The following USP13 variants were observed in gnomAD, a reference collection of about 807,000 sequenced individuals.
USP13 encodes ubiquitin specific peptidase 13, also known as ubiquitin carboxyl-terminal hydrolase 13.
Under a neutral mutation model 107.8 loss-of-function variants are expected in USP13, and 68 were observed. The ratio of observed to expected loss-of-function variants is 0.63; its 90% CI spans 0.52 to 0.77. USP13 has a LOEUF of 0.77. USP13 is among the 30% of genes least tolerant of loss of function. The pLI, the probability that USP13 is intolerant of heterozygous loss-of-function variation, is 0.00. For missense variants in USP13, 945 were observed against 1,093.3 expected (o/e 0.86, Z 1.91); for synonymous variants, 377 against 389.5 (o/e 0.97, Z 0.38).
At chr3:179,694,999 C>T (rs1012606722) in intron 3 of USP13, among the ~76,000 whole-genome samples, 8 of 152,080 alleles carry the variant, frequency 5.3e-5, no homozygotes, top group African/African-American at 9.7e-5. Flanking sequence ...AGCCCACCAG[C>T]GGGCTCCGCT....
intron 19 of USP13, among the ~76,000 whole-genome samples, chr3:179,779,406 C>T (rs1024949102): frequency 1.3e-5 from 2 of 151,772 alleles, no homozygotes; most frequent in Admixed American, 1.3e-4. Context: ...TGGTGGCACG[C>T]GCCTGTAACA....
chr3:179,749,456 TAAAAG>T (rs1191337464), intron 13 of USP13, among the ~76,000 whole-genome samples: 1 of 152,204 alleles, frequency 6.6e-6, no homozygotes, highest in Non-Finnish European at 1.5e-5. Flanking sequence ...ATTTTAGAAA[TAAAAG>T]AATAAGCTGA....
chr3:179,737,630 C>T (rs763909704), intron 10 of USP13, among the ~76,000 whole-genome samples: 5 of 152,278 alleles, frequency 3.3e-5, no homozygotes, highest in South Asian at 4.1e-4. Flanking sequence ...CTTTGGCTAG[C>T]GCTGGAAGCA....
chr3:179,718,051 G>A (rs1432430410), intron 6 of USP13, among the ~76,000 whole-genome samples: 2 of 151,970 alleles, frequency 1.3e-5, no homozygotes, highest in South Asian at 4.1e-4. Flanking sequence ...TTTCCTCCTG[G>A]TGATGTTCCA....
chr3:179,660,136 A>C (rs1232156431), intron 1 of USP13, among the ~76,000 whole-genome samples: 1 of 152,212 alleles, frequency 6.6e-6, no homozygotes, highest in Non-Finnish European at 1.5e-5. Flanking sequence ...AACTCGTTTT[A>C]ATTGTACAAT....
intron 8 of USP13, among the ~76,000 whole-genome samples, chr3:179,722,544 T>G (rs1469168697): frequency 1.3e-5 from 2 of 152,238 alleles, no homozygotes; most frequent in Non-Finnish European, 2.9e-5. Flanking sequence ...ATGGGGTATA[T>G]GTGATATTCT....
rs1192111532 is a variant in USP13, at chr3:179,653,680, A to T, written c.168+287A>T. The T allele has an allele frequency of 1.7e-5, 7 of 410,642 alleles. No individual in the cohort carries two copies. The highest frequency in any genetic ancestry group is 2.7e-5 in the Non-Finnish European group (6 of 225,968). 25.4% of individuals were successfully genotyped at this position (410,642 alleles called of 1,614,324 possible). A position where few individuals can be genotyped will look rare whatever the true frequency, so the allele number is the denominator to read the frequency against. ...GCCGCCGTTTAAAGATAGATGAAAT[A>T]CAAGAGTTCCCTGTTCCGAACTGCA... On this transcript the variant is annotated intron_variant, in intron 1 of 20. Transcript: ENST00000263966. The surrounding 1 kb of genome is among the most constrained non-coding windows in gnomAD (Gnocchi z 4.0).
chr3:179,678,975 TTTTA>T lies in USP13; in HGVS notation c.169-2886_169-2883del, dbSNP rs796667928. On this transcript the variant is annotated intron_variant, in intron 1 of 20. Transcript: ENST00000263966. This position sits in a 1 kb window ranked among gnomAD's most constrained non-coding sequence, Gnocchi z 4.2. ...CTTCTTTCTTTGTGATCTTTATACC[TTTTA>T]TTTATTTATTTATTTAGTTTGCTTA... is the stretch of plus-strand genomic sequence containing the variant. Among the ~76,000 whole-genome samples the T allele has an allele frequency of 1.4e-4, 21 of 152,288 alleles. No homozygotes were observed. The highest frequency in any genetic ancestry group is 4.8e-4 in the African/African-American group (20 of 41,552).
chr3:179,659,394 T>C (rs2108431964), intron 1 of USP13, among the ~76,000 whole-genome samples: 1 of 152,312 alleles, frequency 6.6e-6, no homozygotes, highest in South Asian at 2.1e-4. Flanking sequence ...GCGTGCTCCC[T>C]GAACCAGCAG....
At chr3:179,752,457 G>C (rs1576977728) in intron 14 of USP13, 84 bp downstream of exon 14, 14 of 1,008,834 alleles carry the variant, frequency 1.4e-5, no homozygotes. Flanking sequence ...CATGTAGTTG[G>C]CTGCCACAAA....
rs907186031 is a variant in USP13 at position 179,788,143 on chromosome 3, A to G, written c.*4002A>G. On this transcript the variant is annotated 3_prime_UTR_variant, in exon 21 of 21. Transcript: ENST00000263966. ...GCTGACAAAATTGTCTACCACAGAA[A>G]GGCCGTCCTTGTCATCTTGTAGGCA... The G allele has an allele frequency of 3.9e-5, 6 of 152,250 alleles. No individual in the cohort carries two copies. The highest frequency in any genetic ancestry group is 8.8e-5 in the Non-Finnish European group (6 of 68,044). The allele number at this position is 152,250 out of a possible 1,614,324, so 9.4% of individuals were successfully genotyped here.
At chr3:179,738,474 G>A (rs184663753) in intron 10 of USP13, among the ~76,000 whole-genome samples, 97 of 152,316 alleles carry the variant, frequency 6.4e-4, no homozygotes, top group African/African-American at 2.2e-3. Flanking sequence ...GAGTTGAAAG[G>A]CCTATCTGGC....
intron 13 of USP13, among the ~76,000 whole-genome samples, chr3:179,745,589 T>A (rs1365773136): frequency 6.7e-6 from 1 of 148,618 alleles, no homozygotes; most frequent in Non-Finnish European, 1.5e-5. Flanking sequence ...CCAGCCCCTC[T>A]CTTACCAAGA....
chr3:179,762,318 C>T (rs192877399), intron 17 of USP13, among the ~76,000 whole-genome samples: 8 of 152,308 alleles, frequency 5.3e-5, no homozygotes, highest in East Asian at 1.9e-4. Flanking sequence ...TGGTGGCTTA[C>T]GCCTGTAATC....
rs747837726 is a variant in USP13, at chr3:179,757,068, A to G, written c.1938A>G (p.Gln646=). ...AATTTCCAGATCGCCTGATGAACCA[A>G]TTGATAGACCGTATGTATCTTTAAA... ...PDDSKDRLMN[Q]LIDPSDIDES... is the part of the protein sequence containing the mutation. Residue 646 remains glutamine (Q), a synonymous_variant, in exon 16 of 21, where the codon CAA becomes CAG. Transcript: ENST00000263966. The G allele has an allele frequency of 3.7e-6, 6 of 1,613,878 alleles. No individual in the cohort carries two copies. Among genetic ancestry groups the G allele is most frequent in the African/African-American group, 1.3e-5 (1 of 74,920 alleles).
Position 179,784,603 on chromosome 3 carries a change from G to A in USP13, c.*462G>A, listed in dbSNP as rs1316934992. ...TCAGCAGTTGGGTGGGGCTTTATTT[G>A]TGACATAATTTTTTTCATGACATAC... On this transcript the variant is annotated 3_prime_UTR_variant, in exon 21 of 21. Coordinates refer to ENST00000263966, the MANE Select transcript of USP13 (RefSeq NM_003940.3). 1 of 154,584 alleles carries A rather than the reference G, an allele frequency of 6.5e-6. No individual in the cohort carries two copies. The highest frequency in any genetic ancestry group is 2.4e-5 in the African/African-American group (1 of 41,438). The allele number at this position is 154,584 out of a possible 1,614,324, so 9.6% of individuals were successfully genotyped here. A position where few individuals can be genotyped will look rare whatever the true frequency, so the allele number is the denominator to read the frequency against.
At chr3:179,758,788 G>A (rs1220530694) in intron 16 of USP13, among the ~76,000 whole-genome samples, 3 of 151,860 alleles carry the variant, frequency 2.0e-5, no homozygotes, top group Non-Finnish European at 4.4e-5. Flanking sequence ...GTGAGCCACC[G>A]CGCCCGGCCC....
intron 2 of USP13, among the ~76,000 whole-genome samples, chr3:179,687,659 C>CAAGAAAAAAAAAAAAA (rs1711920931): frequency 5.4e-5 from 1 of 18,516 alleles, no homozygotes; most frequent in Non-Finnish European, 1.7e-4. Context: ...AACTCTGTCT[C>CAAGAAAAAAAAAAAAA]AAAAAAAAAA....
At chr3:179,770,714 C>T (rs953132816) in intron 19 of USP13, among the ~76,000 whole-genome samples, 2 of 151,996 alleles carry the variant, frequency 1.3e-5, no homozygotes, top group African/African-American at 4.8e-5. Flanking sequence ...AAGCTATTCT[C>T]CTGCCTCAGC....
Sources: allele counts gnomAD v4.1 joint callset (sites outside exome capture counted in the v4.1 genomes callset), GRCh38; gene constraint gnomAD v4.1.1; non-coding constraint Gnocchi (gnomAD v3.1); transcripts MANE v1.5; gene names NCBI Gene and HGNC (gene_info 2026-07-23, HGNC 2026-07-21).